Variants in RIMS1 observed in about 807,000 individuals in gnomAD.
RIMS1 encodes regulating synaptic membrane exocytosis 1.
Under a neutral mutation model 214.1 loss-of-function variants are expected in RIMS1, and 83 were observed. The ratio of observed to expected loss-of-function variants is 0.39; its 90% confidence interval spans 0.32 to 0.47. The LOEUF is 0.47. Ranked by LOEUF, RIMS1 falls within the 20% of genes least tolerant of loss-of-function variation. The pLI is 0.99. For missense variants in RIMS1, 2,050 were observed against 2,161.8 expected, an observed-to-expected ratio of 0.95 and a Z score of 1.03; for synonymous variants, 793 against 786.8, an observed-to-expected ratio of 1.01 and a Z score of -0.13.
chr6:72,245,663 G>T (rs2069155492), intron 10 of RIMS1, among the ~76,000 whole-genome samples, 152 bp from the exon 11 acceptor site: 1 of 151,952 alleles, frequency 6.6e-6, no homozygotes, highest in Non-Finnish European at 1.5e-5. Context: ...TGACATTCAT[G>T]CACATTAGTA....
intron 1 of RIMS1, among the ~76,000 whole-genome samples, chr6:71,944,148 A>C (rs918568116): frequency 2.0e-4 from 30 of 152,212 alleles, no homozygotes; most frequent in African/African-American, 7.0e-4. Context: ...AAAATCTAAG[A>C]TGAATTAGGT....
chr6:72,328,611 C>A (rs2096561826), intron 28 of RIMS1, among the ~76,000 whole-genome samples: 1 of 151,670 alleles, frequency 6.6e-6, no homozygotes, highest in African/African-American at 2.4e-5. Context: ...CTATGGTATA[C>A]ACAAAGTAAG....
chr6:72,357,806 T>C (rs992776100), intron 29 of RIMS1, among the ~76,000 whole-genome samples: 2 of 152,352 alleles, frequency 1.3e-5, no homozygotes, highest in South Asian at 4.1e-4. Context: ...AATTCCACTC[T>C]GAAATTTTCT....
intron 2 of RIMS1, among the ~76,000 whole-genome samples, chr6:71,982,144 A>G (rs1798658627): frequency 1.3e-5 from 2 of 152,240 alleles, no homozygotes; most frequent in South Asian, 4.1e-4. Context: ...CTAACTCTGC[A>G]TTTCCATGCA....
chr6:71,962,002 A>G (rs988526679), intron 1 of RIMS1, among the ~76,000 whole-genome samples: 2 of 152,208 alleles, frequency 1.3e-5, no homozygotes, highest in African/African-American at 4.8e-5. Flanking sequence ...GAATGGAGAA[A>G]TAAACTGATT....
intron 2 of RIMS1, among the ~76,000 whole-genome samples, chr6:72,041,381 A>G (rs1292904021): frequency 1.3e-5 from 2 of 151,890 alleles, no homozygotes; most frequent in Non-Finnish European, 2.9e-5. Context: ...TACATTGTGA[A>G]ATCCTAAAAA....
At chr6:72,110,012 A>T (rs1199904666) in intron 4 of RIMS1, among the ~76,000 whole-genome samples, 1 of 152,048 alleles carries the variant, frequency 6.6e-6, no homozygotes, top group Admixed American at 6.6e-5. Flanking sequence ...AGATAGTTTT[A>T]GATATGTGGC....
chr6:72,227,752 G>A (rs2060649159), intron 6 of RIMS1, among the ~76,000 whole-genome samples: 1 of 151,854 alleles, frequency 6.6e-6, no homozygotes, highest in South Asian at 2.1e-4. Context: ...GTTTCATTGA[G>A]TACGAATATT....
At chr6:72,166,079 G>A (rs1160132943) in intron 4 of RIMS1, among the ~76,000 whole-genome samples, 1 of 152,136 alleles carries the variant, frequency 6.6e-6, no homozygotes, top group Non-Finnish European at 1.5e-5. Context: ...CCAATAACAA[G>A]GTGCCAACAG....
At chr6:72,210,519 T>C (rs534073230) in intron 6 of RIMS1, among the ~76,000 whole-genome samples, 1 of 152,352 alleles carries the variant, frequency 6.6e-6, no homozygotes, top group Admixed American at 6.5e-5. Flanking sequence ...AGAGCTATAC[T>C]ATATTCTCAT....
At chr6:72,265,797 G>A (rs2080248880) in intron 21 of RIMS1, among the ~76,000 whole-genome samples, 163 bp from the exon 22 acceptor site, 1 of 152,066 alleles carries the variant, frequency 6.6e-6, no homozygotes. Flanking sequence ...ATTTTACACT[G>A]TCATTCTGTC....
intron 1 of RIMS1, among the ~76,000 whole-genome samples, chr6:71,899,398 G>A (rs1772869065): frequency 6.6e-6 from 1 of 151,780 alleles, no homozygotes; most frequent in Non-Finnish European, 1.5e-5. Flanking sequence ...ATTACTGTGG[G>A]TCAGTAATTC....
chr6:72,128,405 T>A (rs1001971372), intron 4 of RIMS1, among the ~76,000 whole-genome samples: 29 of 151,088 alleles, frequency 1.9e-4, no homozygotes, highest in African/African-American at 6.5e-4. Flanking sequence ...TTGTCCTTTT[T>A]TAAAAAAAAA....
Position 72,239,742 on chromosome 6 carries a change from G to A in RIMS1, c.1957+1820G>A, listed in dbSNP as rs541623159. 2.1e-3 allele frequency among the ~76,000 whole-genome samples: 318 copies of A among 152,086 alleles called. 2 individuals carry two copies. The highest frequency in any genetic ancestry group is 5.7e-3 in the African/African-American group (235 of 41,490). ...ACTCTGTTTATTATGAAGATCCTTC[G>A]GTGTTTCCTAGTTATCATTTGTTCA... On this transcript the variant is annotated intron_variant, in intron 9 of 33. Coordinates refer to ENST00000521978, the MANE Select transcript of RIMS1 (RefSeq NM_014989.7).
intron 1 of RIMS1, among the ~76,000 whole-genome samples, chr6:71,892,691 T>A (rs117888031): frequency 6.6e-6 from 1 of 152,164 alleles, no homozygotes; most frequent in Non-Finnish European, 1.5e-5. Context: ...ATTTATTAAA[T>A]AGGCTATTTC....
At chr6:72,266,911 G>A (rs1253978472) in intron 22 of RIMS1, among the ~76,000 whole-genome samples, 1 of 152,016 alleles carries the variant, frequency 6.6e-6, no homozygotes, top group Non-Finnish European at 1.5e-5. Flanking sequence ...TTGTACTAAT[G>A]TAACCCGCTC....
chr6:71,940,190 T>A (rs970653252), intron 1 of RIMS1, among the ~76,000 whole-genome samples: 21 of 152,198 alleles, frequency 1.4e-4, no homozygotes, highest in African/African-American at 4.6e-4. Context: ...TGGAATTCTT[T>A]CTTCCAATCA....
chr6:72,245,582 T>C (rs1262280398), intron 10 of RIMS1, among the ~76,000 whole-genome samples: 1 of 152,128 alleles, frequency 6.6e-6, no homozygotes, highest in East Asian at 1.9e-4. Context: ...TTAGTCTGAT[T>C]GTTGTCATGT....
Position 71,915,312 on chromosome 6 carries a change from A to G in RIMS1, c.164+28125A>G, listed in dbSNP as rs1042935660. ...CTTTTCACTTTTATCTCCACTTTCCAACTATGGTCAGGCTGATCCAGAAGA... is the reference window on the plus strand; with the variant it reads ...CTTTTCACTTTTATCTCCACTTTCCGACTATGGTCAGGCTGATCCAGAAGA... On this transcript the variant is annotated intron_variant, in intron 1 of 33. Transcript: ENST00000521978. Among the ~76,000 whole-genome samples the G allele has an allele frequency of 2.0e-5, 3 of 152,224 alleles. No homozygotes were observed. In the East Asian group the frequency reaches 5.8e-4, roughly 29 times the overall value.
Sources: gnomAD v4.1 joint callset for allele counts (sites outside exome capture counted in the v4.1 genomes callset) on GRCh38, gnomAD v4.1.1 for gene constraint, MANE v1.5 for transcripts, NCBI Gene and HGNC (gene_info 2026-07-23, HGNC 2026-07-21) for gene names.